Variants in WASL observed in about 807,000 individuals in gnomAD.
The protein encoded by WASL is WASP like actin nucleation promoting factor, also known as actin nucleation-promoting factor WASL.
Under a neutral mutation model 55.5 loss-of-function variants are expected in WASL, and 20 were observed. That is an observed-to-expected ratio of 0.36 (90% CI 0.25 to 0.52). The LOEUF (loss-of-function observed/expected upper bound fraction) is 0.52. Ranked by LOEUF, WASL falls within the 20% of genes least tolerant of loss-of-function variation. The pLI is 0.92. For synonymous variants in WASL, 249 were observed against 217.6 expected (o/e 1.14, Z -1.27); for missense variants, 504 against 622.5 (o/e 0.81, Z 2.03).
intron 1 of WASL, among the ~76,000 whole-genome samples, chr7:123,731,324 C>T (rs1283924355): frequency 6.6e-6 from 1 of 152,146 alleles, no homozygotes; most frequent in African/African-American, 2.4e-5. Flanking sequence ...CAAAAGCCCA[C>T]ATAACTACAA....
At position 123,689,036 on chromosome 7, in the gene WASL, CTCT is replaced by C. The variant is rs865965658; in HGVS notation, c.1456+3_1456+5del. ...TCTCTCTCTCTCTCTCTCTCTCTCT[CTCT>C]ACCTGAAGAATGAATGGCTTTGCTC... On this transcript the variant is annotated splice_donor_5th_base_variant and intron_variant, in intron 10 of 10. Transcript: ENST00000223023. The C allele has an allele frequency of 6.5e-7, 1 of 1,549,238 alleles. No individual in the cohort carries two copies. The highest frequency in any genetic ancestry group is 8.9e-7 in the Non-Finnish European group (1 of 1,125,580).
At chr7:123,696,967 C>T (rs562319973) in intron 5 of WASL, among the ~76,000 whole-genome samples, 1 of 150,892 alleles carries the variant, frequency 6.6e-6, no homozygotes, top group East Asian at 1.9e-4. Context: ...AGCAAACTTA[C>T]ATTTTTATGC....
chr7:123,732,593 T>C (rs1804158330), intron 1 of WASL, among the ~76,000 whole-genome samples: 1 of 152,164 alleles, frequency 6.6e-6, no homozygotes, highest in African/African-American at 2.4e-5. Flanking sequence ...CCATAGCAGA[T>C]GGTTTCACTG....
Position 123,688,927 on chromosome 7 carries a change from G to A in WASL, c.1456+115C>T, listed in dbSNP as rs1803345861. The A allele has an allele frequency of 1.5e-5, 14 of 952,900 alleles. No individual in the cohort carries two copies. The South Asian group carries it at 2.0e-4, about 13-fold the overall frequency. 59.0% of individuals were successfully genotyped at this position (952,900 alleles called of 1,614,324 possible). ...TCAGTAGTTACTCAATTAGCAGAGA[G>A]AAAGCTAGCAAAGACAGTCATAAAA... On this transcript the variant is annotated intron_variant, in intron 10 of 10. Transcript: ENST00000223023.
chr7:123,730,878 T>C (rs1406015018), intron 1 of WASL, among the ~76,000 whole-genome samples: 1 of 152,126 alleles, frequency 6.6e-6, no homozygotes, highest in Non-Finnish European at 1.5e-5. Flanking sequence ...AGGGGTTTGG[T>C]GTACAGGTAA....
intron 4 of WASL, among the ~76,000 whole-genome samples, 170 bp downstream of exon 4, chr7:123,706,107 T>C (rs1436671844): frequency 6.6e-6 from 1 of 152,190 alleles, no homozygotes; most frequent in African/African-American, 2.4e-5. Flanking sequence ...TATATCACTG[T>C]CATCACTATT....
At chr7:123,704,766 C>T (rs1032364589) in intron 4 of WASL, 109 bp from the exon 5 acceptor site, 2 of 650,394 alleles carry the variant, frequency 3.1e-6, no homozygotes, top group African/African-American at 3.8e-5. Flanking sequence ...ATACGTGTGA[C>T]TAAGGAAGAT....
intron 5 of WASL, among the ~76,000 whole-genome samples, chr7:123,703,472 A>G (rs1363338844): frequency 6.6e-6 from 1 of 152,200 alleles, no homozygotes; most frequent in East Asian, 1.9e-4. Context: ...CACTATGCTA[A>G]GCTTTGATTA....
At chr7:123,696,835 A>T in intron 5 of WASL, 88 bp from the exon 6 acceptor site, 1 of 895,168 alleles carries the variant, frequency 1.1e-6, no homozygotes, top group Non-Finnish European at 1.5e-6. Context: ...ACTTTTTCTG[A>T]AATAGGATCA....
chr7:123,692,704 T>A lies in WASL; in HGVS notation c.990A>T (p.Pro330=), dbSNP rs759255555. 6.6e-7 allele frequency: 1 copy of A among 1,519,582 alleles called. No individual in the cohort carries two copies. Among genetic ancestry groups the A allele is most frequent in the Non-Finnish European group, 8.8e-7 (1 of 1,136,300 alleles). 94.1% of individuals were successfully genotyped at this position (1,519,582 alleles called of 1,614,324 possible). A position where few individuals can be genotyped will look rare whatever the true frequency, so the allele number is the denominator to read the frequency against. Residue 330 remains proline, a synonymous_variant, in exon 9 of 11, where the codon CCA becomes CCT. Coordinates refer to ENST00000223023, the MANE Select transcript of WASL (RefSeq NM_003941.4). ...GCGGTGGTGGAGGGACTGCTACACTTGGCCTGGAAGGAGGCGGTGGTGGAG... is the reference window on the plus strand; with the variant it reads ...GCGGTGGTGGAGGGACTGCTACACTAGGCCTGGAAGGAGGCGGTGGTGGAG... ...AAPPPPPPSR[P]SVAVPPPPPN... is the part of the protein sequence containing the mutation.
At chr7:123,685,628 A>C (rs1282868799) in intron 10 of WASL, among the ~76,000 whole-genome samples, 1 of 151,882 alleles carries the variant, frequency 6.6e-6, no homozygotes, top group African/African-American at 2.4e-5. Flanking sequence ...TTATCTATTA[A>C]GCTCCATGAC....
intron 1 of WASL, among the ~76,000 whole-genome samples, chr7:123,735,487 C>T (rs1804211877): frequency 6.6e-6 from 1 of 151,606 alleles, no homozygotes; most frequent in African/African-American, 2.4e-5. Context: ...TATCTGTAGT[C>T]CATATATTTT....
Position 123,718,972 on chromosome 7 carries a change from T to A in WASL, c.118-9749A>T, listed in dbSNP as rs183523785. On this transcript the variant is annotated intron_variant, in intron 1 of 10. Transcript: ENST00000223023. ...AGCTATAATAATGCAAAACCGAAGGTATATACCACATCCTCCAGTTACAGC... is the reference window on the plus strand; with the variant it reads ...AGCTATAATAATGCAAAACCGAAGGAATATACCACATCCTCCAGTTACAGC... Among the ~76,000 whole-genome samples, 114 of 152,270 alleles carry A rather than the reference T, an allele frequency of 7.5e-4. No homozygotes were observed. The East Asian group carries it at 0.017, about 22-fold the overall frequency.
At chr7:123,707,701 TC>T (rs1192636340) in intron 2 of WASL, among the ~76,000 whole-genome samples, 20 of 152,324 alleles carry the variant, frequency 1.3e-4, no homozygotes, top group African/African-American at 4.8e-4. Flanking sequence ...GTATGCCATT[TC>T]TAAATAGTGC....
At chr7:123,715,455 G>A (rs1249403223) in intron 1 of WASL, among the ~76,000 whole-genome samples, 1 of 152,188 alleles carries the variant, frequency 6.6e-6, no homozygotes, top group Non-Finnish European at 1.5e-5. Context: ...AAGTCACAAA[G>A]TCATTAGGTG....
Position 123,695,816 on chromosome 7 carries a change from T to C in WASL, c.672+7A>G, listed in dbSNP as rs781596084. On this transcript the variant is annotated splice_region_variant and intron_variant, in intron 7 of 10. Transcript: ENST00000223023. Reference sequence around the variant, plus strand: ...TTATAACGTATATGATTTGAAAACATACTTACATCAAAGCCTGTATTTGGA... The same window carrying C: ...TTATAACGTATATGATTTGAAAACACACTTACATCAAAGCCTGTATTTGGA... 4.3e-6 allele frequency: 7 copies of C among 1,612,242 alleles called. No individual in the cohort carries two copies. The highest frequency in any genetic ancestry group is 5.1e-6 in the Non-Finnish European group (6 of 1,178,726).
intron 1 of WASL, among the ~76,000 whole-genome samples, chr7:123,709,870 G>A (rs4588795): frequency 0.46 from 69,676 of 151,986 alleles, 16,218 homozygotes; most frequent in South Asian, 0.67. Flanking sequence ...AAGTGGCCAC[G>A]CAGTTTTAAT....
intron 1 of WASL, among the ~76,000 whole-genome samples, chr7:123,737,894 C>T (rs1804264994): frequency 6.6e-6 from 1 of 152,052 alleles, no homozygotes; most frequent in South Asian, 2.1e-4. Context: ...AAACCAAGTA[C>T]TTGTCAAAAG....
intron 5 of WASL, among the ~76,000 whole-genome samples, chr7:123,696,998 AT>A (rs1481033074): frequency 6.6e-6 from 1 of 152,124 alleles, no homozygotes; most frequent in East Asian, 1.9e-4. Flanking sequence ...CATAAAGAAT[AT>A]GAACTTCCAG....
Sources: gnomAD v4.1 joint callset for allele counts (sites outside exome capture counted in the v4.1 genomes callset) on GRCh38, gnomAD v4.1.1 for gene constraint, MANE v1.5 for transcripts, NCBI Gene and HGNC (gene_info 2026-07-23, HGNC 2026-07-21) for gene names.